Variants in NLRC3 observed in about 807,000 individuals in gnomAD.
The protein encoded by NLRC3 is NLR family CARD domain-containing protein 3.
Under a neutral mutation model 91.6 loss-of-function variants are expected in NLRC3, and 87 were observed. The observed-to-expected ratio is 0.95, with a 90% CI of 0.80 to 1.14. The LOEUF is 1.14. Ranked by LOEUF, NLRC3 falls within the 50% of genes most tolerant of loss-of-function variation. NLRC3 has a pLI of 0.00. For synonymous variants in NLRC3, 694 were observed against 625.3 expected (o/e 1.11, Z -1.64); for missense variants, 1,577 against 1,418.6 (o/e 1.11, Z -1.79).
chr16:3,542,290 A>G lies in NLRC3; in HGVS notation c.3024-16T>C. 1 of 1,502,454 alleles carries G rather than the reference A, an allele frequency of 6.7e-7. No homozygotes were observed. 93.1% of individuals were successfully genotyped at this position (1,502,454 alleles called of 1,614,324 possible). On this transcript the variant is annotated splice_polypyrimidine_tract_variant and intron_variant, in intron 18 of 19. Transcript: ENST00000359128. ...CTCTTGAAGACTAAGTGGAAAAGAG[A>G]TGGAGACACACGGTGAGCCATCAGG...
chr16:3,575,373 G>A (rs117168371), intron 1 of NLRC3, among the ~76,000 whole-genome samples: 169 of 152,332 alleles, frequency 1.1e-3, no homozygotes, highest in East Asian at 2.9e-3. Context: ...TCGCGAGGCC[G>A]CAGACGCCAC....
chr16:3,563,430 T>C lies in NLRC3; in HGVS notation c.1507A>G (p.Met503Val), dbSNP rs944499347. ...THFRSAAQRA[M>V]QAEDGRLDVF... ...TCCAGCCTCCCGTCCTCTGCCTGCA[T>C]GGCCCGCTGGGCTGCGCTCCTGAAA... is the stretch of plus-strand genomic sequence containing the variant. Residue 503 changes from methionine (M) to valine (V), a missense_variant, in exon 5 of 20, where the codon ATG becomes GTG. Coordinates refer to ENST00000359128, the MANE Select transcript of NLRC3 (RefSeq NM_178844.4). 3.8e-6 allele frequency: 6 copies of C among 1,575,256 alleles called. No individual in the cohort carries two copies. Among genetic ancestry groups the C allele is most frequent in the Admixed American group, 1.8e-5 (1 of 54,326 alleles).
chr16:3,548,154 T>C lies in NLRC3; in HGVS notation c.2752A>G (p.Arg918Gly). 1 of 1,590,950 alleles carries C rather than the reference T, an allele frequency of 6.3e-7. No individual in the cohort carries two copies. Among genetic ancestry groups the C allele is most frequent in the Non-Finnish European group, 8.6e-7 (1 of 1,168,682 alleles). Residue 918 changes from arginine to glycine, a missense_variant, in exon 15 of 20, where the codon AGG (arginine) becomes GGG (glycine). Transcript: ENST00000359128. ...QALGQALQLN[R>G]SLTSLDLQEN... ...ACTTACTCTAAGCTGGTGAGGCTCCTGTTGAGCTGTAGTGCTTGTCCCAGG... is the reference window on the plus strand; with the variant it reads ...ACTTACTCTAAGCTGGTGAGGCTCCCGTTGAGCTGTAGTGCTTGTCCCAGG...
rs114419638 is a variant in NLRC3 at position 3,565,828 on chromosome 16, G to A, written c.-86-448C>T. ...GAGCCTGAGGTGATGGATCGCTTGA[G>A]CCCAGGAGTTTGAGACCAGCTTGGG... On this transcript the variant is annotated intron_variant, in intron 2 of 19. Coordinates refer to ENST00000359128, the MANE Select transcript of NLRC3 (RefSeq NM_178844.4). 9.2e-3 allele frequency among the ~76,000 whole-genome samples: 1,406 copies of A among 152,130 alleles called. 31 individuals are homozygous for A. The highest frequency in any genetic ancestry group is 0.032 in the African/African-American group (1,339 of 41,488).
chr16:3,561,065 C>G (rs2039587100), intron 6 of NLRC3, among the ~76,000 whole-genome samples: 1 of 151,568 alleles, frequency 6.6e-6, no homozygotes, highest in South Asian at 2.1e-4. Context: ...ATTAAAAATG[C>G]AATTGGCTGG....
rs774884295 is a variant in NLRC3, at chr16:3,564,577, C to T, written c.360G>A (p.Arg120=). 6.2e-7 allele frequency: 1 copy of T among 1,611,638 alleles called. No homozygotes were observed. Among genetic ancestry groups the T allele is most frequent in the South Asian group, 1.1e-5 (1 of 91,020 alleles). Residue 120 remains arginine, a synonymous_variant, in exon 5 of 20, where the codon AGG becomes AGA. Transcript: ENST00000359128. This position sits in a 1 kb window ranked among gnomAD's most constrained non-coding sequence, Gnocchi z 5.9. ...GGAAGAGCCGGTCCAGGGCGACGGT[C>T]CTGGCGGGGTGCCCGCCCCCGCGGG... The part of the protein sequence containing the change: ...EATRGGGHPA[R]TVALDRLFLP...
chr16:3,569,397 ATTT>A (rs1203778704), intron 1 of NLRC3, among the ~76,000 whole-genome samples: 7 of 41,060 alleles, frequency 1.7e-4, no homozygotes, highest in Admixed American at 1.3e-3. Flanking sequence ...TATATATATT[ATTT>A]TTTTTTTTTT....
At chr16:3,565,166 T>C (rs1011057178) in intron 3 of NLRC3, 106 bp from the exon 4 acceptor site, 1 of 862,222 alleles carries the variant, frequency 1.2e-6, no homozygotes. Flanking sequence ...CCTCTTCCTC[T>C]TTCCTCAGCC....
chr16:3,568,939 T>G (rs974919649), intron 1 of NLRC3, among the ~76,000 whole-genome samples: 2 of 152,240 alleles, frequency 1.3e-5, no homozygotes, highest in Non-Finnish European at 2.9e-5. Flanking sequence ...TGATTTTTAT[T>G]TTATTGCATG....
intron 19 of NLRC3, 36 bp from the exon 20 acceptor site, chr16:3,541,951 G>A (rs1374232247): frequency 1.5e-6 from 2 of 1,290,422 alleles, no homozygotes; most frequent in African/African-American, 1.5e-5. Flanking sequence ...CTCAAAGCCT[G>A]CAGGTTCTCT....
At chr16:3,547,378 G>A (rs763089697) in intron 15 of NLRC3, among the ~76,000 whole-genome samples, 2 of 152,178 alleles carry the variant, frequency 1.3e-5, no homozygotes, top group Non-Finnish European at 2.9e-5. Flanking sequence ...GGAAGATCAT[G>A]GAGATGGTAG....
intron 1 of NLRC3, among the ~76,000 whole-genome samples, chr16:3,576,457 C>T (rs8061554): frequency 0.31 from 47,685 of 152,028 alleles, 8,619 homozygotes; most frequent in African/African-American, 0.5. Flanking sequence ...GAAGTAGCCT[C>T]CCATGGGGGG....
intron 1 of NLRC3, among the ~76,000 whole-genome samples, chr16:3,576,657 TTTTTG>T (rs750230000): frequency 1.6e-4 from 25 of 152,176 alleles, no homozygotes; most frequent in South Asian, 6.3e-4. Flanking sequence ...TTTCTTTTCT[TTTTTG>T]TTTTGTTTTG....
chr16:3,574,017 T>TC (rs2040193359), intron 1 of NLRC3, among the ~76,000 whole-genome samples: 1 of 122,526 alleles, frequency 8.2e-6, no homozygotes, highest in Non-Finnish European at 1.7e-5. Flanking sequence ...CTTTTTTTTT[T>TC]TTTTTTTTTT....
chr16:3,556,986 C>A lies in NLRC3; in HGVS notation c.2108G>T (p.Gly703Val), dbSNP rs759172440. The A allele has an allele frequency of 6.2e-7, 1 of 1,612,530 alleles. No individual in the cohort carries two copies. Among genetic ancestry groups the A allele is most frequent in the Non-Finnish European group, 8.5e-7 (1 of 1,178,740 alleles). Residue 703 changes from glycine (G) to valine (V), a missense_variant, in exon 8 of 20, where the codon GGT becomes GTT. Physicochemically the swap from Gly to Val is moderately radical, Grantham distance 109. Coordinates refer to ENST00000359128, the MANE Select transcript of NLRC3 (RefSeq NM_178844.4). ...NRSLTSLDLR[G>V]NSIGPQGAKA... ...GGCCCCTTGTGGTCCAATGGAGTTA[C>A]CGCGGAGGCTGAAGGAAGAGAGAAA...
chr16:3,541,985 G>T, intron 19 of NLRC3, 70 bp from the exon 20 acceptor site: 1 of 929,830 alleles, frequency 1.1e-6, no homozygotes, highest in Non-Finnish European at 1.7e-6. Context: ...CCATACAATA[G>T]AAAATGCAGG....
intron 15 of NLRC3, among the ~76,000 whole-genome samples, chr16:3,546,417 C>T (rs1465080777): frequency 1.0e-4 from 15 of 148,334 alleles, no homozygotes; most frequent in Admixed American, 8.0e-4. Context: ...AAAAGCTGGG[C>T]GTGGTGTTGG....
Position 3,564,132 on chromosome 16 carries a change from G to A in NLRC3, c.805C>T (p.Pro269Ser), listed in dbSNP as rs1321553473. 2.5e-6 allele frequency: 4 copies of A among 1,613,596 alleles called. No homozygotes were observed. In the African/African-American group the frequency reaches 5.3e-5, roughly 22 times the overall value. ...PEVSIWITSR[P>S]SASGQIPGGL... Reference sequence around the variant, plus strand: ...CCTGGGATCTGGCCAGATGCACTGGGACGGGAGGTGATCCAGATGGAAACT... The same window carrying A: ...CCTGGGATCTGGCCAGATGCACTGGAACGGGAGGTGATCCAGATGGAAACT... Residue 269 changes from proline (P) to serine (S), a missense_variant, in exon 5 of 20, where the codon CCC (proline) becomes TCC (serine). Transcript: ENST00000359128. The surrounding 1 kb of genome is among the most constrained non-coding windows in gnomAD (Gnocchi z 5.9).
chr16:3,544,405 C>T, intron 15 of NLRC3, 76 bp from the exon 16 acceptor site: 1 of 1,031,254 alleles, frequency 9.7e-7, no homozygotes, highest in Non-Finnish European at 1.5e-6. Context: ...GCACTTGGAC[C>T]TGCCAGGTTT....
Sources: allele counts gnomAD v4.1 joint callset (sites outside exome capture counted in the v4.1 genomes callset), GRCh38; gene constraint gnomAD v4.1.1; non-coding constraint Gnocchi (gnomAD v3.1); transcripts MANE v1.5; gene names NCBI Gene and HGNC (gene_info 2026-07-23, HGNC 2026-07-21).